TAF1B: variants seen among roughly 807,000 people sequenced by gnomAD.
TAF1B encodes the protein TATA box-binding protein-associated factor RNA polymerase I subunit B.
TAF1B carries 61 observed loss-of-function variants against 83.9 expected under a neutral mutation model. The observed-to-expected ratio is 0.73, with a 90% CI of 0.59 to 0.90. The LOEUF (loss-of-function observed/expected upper bound fraction) is 0.90. TAF1B is among the 40% of genes least tolerant of loss of function. TAF1B has a pLI of 0.00. For missense variants in TAF1B, 625 were observed against 677.0 expected, an observed-to-expected ratio of 0.92 and a Z score of 0.85; for synonymous variants, 221 against 224.6, an observed-to-expected ratio of 0.98 and a Z score of 0.14.
chr2:9,889,244 A>G (rs1051703438), intron 8 of TAF1B, among the ~76,000 whole-genome samples: 26 of 152,050 alleles, frequency 1.7e-4, no homozygotes, highest in African/African-American at 6.0e-4. Context: ...AGACCACTTG[A>G]TATGGTACCA....
chr2:9,877,008 G>T (rs906424453), intron 7 of TAF1B, among the ~76,000 whole-genome samples: 3 of 152,110 alleles, frequency 2.0e-5, no homozygotes, highest in African/African-American at 7.2e-5. Flanking sequence ...TAGTGCCTTT[G>T]AATTTGGCCA....
At chr2:9,912,854 T>C (rs969049058) in intron 11 of TAF1B, among the ~76,000 whole-genome samples, 1 of 152,246 alleles carries the variant, frequency 6.6e-6, no homozygotes, top group African/African-American at 2.4e-5. Flanking sequence ...CTGTATGGTC[T>C]ACAAGGTCAT....
At position 9,914,834 on chromosome 2, in the gene TAF1B, C is replaced by T. The variant is rs563496189; in HGVS notation, c.1271+1585C>T. Among the ~76,000 whole-genome samples, 35 of 152,226 alleles carry T rather than the reference C, an allele frequency of 2.3e-4. No homozygotes were observed. The highest frequency in any genetic ancestry group is 7.9e-4 in the African/African-American group (33 of 41,534). On this transcript the variant is annotated intron_variant, in intron 12 of 14. Coordinates refer to ENST00000263663, the MANE Select transcript of TAF1B (RefSeq NM_005680.3). The surrounding 1 kb of genome is among the most constrained non-coding windows in gnomAD (Gnocchi z 4.3). ...GTGTGAGTCACTGCTGAGTAATATG[C>T]GAAGCACTACCAACTGCTGCTCAGG... is the stretch of plus-strand genomic sequence containing the variant.
chr2:9,851,702 T>G, intron 4 of TAF1B, 64 bp downstream of exon 4: 9 of 1,298,038 alleles, frequency 6.9e-6, no homozygotes, highest in Middle Eastern at 1.9e-4. Flanking sequence ...GTAAGACTTA[T>G]AGTGGAACTA....
At chr2:9,900,726 GT>G (rs1665156691) in intron 8 of TAF1B, among the ~76,000 whole-genome samples, 1 of 152,094 alleles carries the variant, frequency 6.6e-6, no homozygotes. Flanking sequence ...TGGAATGAAT[GT>G]GGTGTGTGAG....
intron 5 of TAF1B, 101 bp downstream of exon 5, chr2:9,854,522 C>T (rs1246059193): frequency 3.8e-6 from 3 of 799,892 alleles, no homozygotes; most frequent in African/African-American, 3.4e-5. Context: ...GATTATGATG[C>T]TTGTCAGAGG....
chr2:9,848,739 A>T (rs905367589), intron 2 of TAF1B, among the ~76,000 whole-genome samples: 4 of 150,796 alleles, frequency 2.7e-5, no homozygotes, highest in Admixed American at 6.6e-5. Context: ...GGCCCCATTT[A>T]AAAAAAAAGA....
intron 9 of TAF1B, 108 bp downstream of exon 9, chr2:9,905,114 C>G: frequency 2.2e-6 from 2 of 897,266 alleles, no homozygotes; most frequent in Non-Finnish European, 3.3e-6. Flanking sequence ...TGAAAAGGTC[C>G]ATGGTTACAT....
In TAF1B at chr2:9,847,772, G is replaced by C. The variant is rs1392267031; in HGVS notation, c.118-1601G>C. On this transcript the variant is annotated intron_variant, in intron 2 of 14. Transcript: ENST00000263663. ...ATGTAAGAGATTTTTATGATCATAA[G>C]AGCAATGCATGTTTACTATAGAAAA... Among the ~76,000 whole-genome samples, 3 of 152,298 alleles carry C rather than the reference G, an allele frequency of 2.0e-5. No homozygotes were observed. The East Asian group carries it at 5.8e-4, about 29-fold the overall frequency.
chr2:9,865,090 G>C (rs1218984560), intron 5 of TAF1B, among the ~76,000 whole-genome samples: 1 of 152,086 alleles, frequency 6.6e-6, no homozygotes, highest in Non-Finnish European at 1.5e-5. Flanking sequence ...TTCTGGCCAG[G>C]GCAATCAGGC....
chr2:9,913,072 A>G, intron 11 of TAF1B, 87 bp from the exon 12 acceptor site: 1 of 1,088,544 alleles, frequency 9.2e-7, no homozygotes, highest in South Asian at 1.6e-5. Context: ...TGCCCAGTGC[A>G]GTCAATTAAT....
At chr2:9,912,938 C>T (rs1245854318) in intron 11 of TAF1B, among the ~76,000 whole-genome samples, 17 of 152,186 alleles carry the variant, frequency 1.1e-4, no homozygotes, top group Non-Finnish European at 1.5e-5. Context: ...CTGCCTTCGC[C>T]AGAGAATAAT....
intron 2 of TAF1B, among the ~76,000 whole-genome samples, chr2:9,847,474 A>G (rs1268863109): frequency 7.2e-5 from 11 of 152,160 alleles, no homozygotes; most frequent in Non-Finnish European, 1.2e-4. Context: ...TGAGACAGTT[A>G]CAGCTGTGAA....
chr2:9,923,403 GCACGGTGGTTCA>G (rs1665937639), intron 14 of TAF1B, among the ~76,000 whole-genome samples: 2 of 152,030 alleles, frequency 1.3e-5, no homozygotes, highest in African/African-American at 4.8e-5. Context: ...TGTTGGCCGG[GCACGGTGGTTCA>G]CACCTGTAAT....
intron 3 of TAF1B, among the ~76,000 whole-genome samples, chr2:9,850,955 A>G (rs1663368687): frequency 6.6e-6 from 1 of 152,218 alleles, no homozygotes; most frequent in Non-Finnish European, 1.5e-5. Flanking sequence ...CAGGAAAAGC[A>G]GAATGCCATT....
intron 5 of TAF1B, among the ~76,000 whole-genome samples, chr2:9,866,071 C>A (rs1183720849): frequency 2.7e-5 from 4 of 150,826 alleles, no homozygotes; most frequent in African/African-American, 9.7e-5. Flanking sequence ...GCAACAAAAG[C>A]CAAAATTGAC....
chr2:9,910,327 A>C (rs1345939128), intron 9 of TAF1B, among the ~76,000 whole-genome samples: 2 of 152,212 alleles, frequency 1.3e-5, no homozygotes. Context: ...CTAGTTAAAC[A>C]GTTGTTGAGG....
In TAF1B at chr2:9,851,450, C is replaced by A. The variant is rs551106322; in HGVS notation, c.206-91C>A. 6.1e-6 allele frequency: 6 copies of A among 989,314 alleles called. No individual in the cohort carries two copies. In the Admixed American group the frequency reaches 7.8e-5, roughly 13 times the overall value. The allele number at this position is 989,314 out of a possible 1,614,324, so 61.3% of individuals were successfully genotyped here. A position where few individuals can be genotyped will look rare whatever the true frequency, so the allele number is the denominator to read the frequency against. ...TTGAAAAAAAAAGAAAAATTCAAGT[C>A]GCAATGTGTAAAACACAAATTGTAA... On this transcript the variant is annotated intron_variant, in intron 3 of 14. Coordinates refer to ENST00000263663, the MANE Select transcript of TAF1B (RefSeq NM_005680.3).
chr2:9,843,631 G>A (rs1294879305), intron 1 of TAF1B, 72 bp downstream of exon 1: 4 of 1,406,776 alleles, frequency 2.8e-6, no homozygotes, highest in Admixed American at 3.0e-5. Context: ...GAGGAGCGGC[G>A]GAGGACGCCG....
Sources: gnomAD v4.1 joint callset for allele counts (sites outside exome capture counted in the v4.1 genomes callset) on GRCh38, gnomAD v4.1.1 for gene constraint, Gnocchi (gnomAD v3.1) non-coding constraint, MANE v1.5 for transcripts, NCBI Gene and HGNC (gene_info 2026-07-23, HGNC 2026-07-21) for gene names.